CCDC178: variants seen among roughly 807,000 people sequenced by gnomAD.
The protein encoded by CCDC178 is coiled-coil domain-containing protein 178.
In CCDC178, 126 loss-of-function variants were observed where a neutral mutation model predicts 117.4. The ratio of observed to expected loss-of-function variants is 1.07; its 90% confidence interval spans 0.93 to 1.24. The LOEUF (loss-of-function observed/expected upper bound fraction) is 1.24, where lower values mean the gene tolerates loss of function less well. Ranked by LOEUF, CCDC178 falls within the 50% of genes most tolerant of loss-of-function variation. The pLI, the probability that CCDC178 is intolerant of heterozygous loss-of-function variation, is 0.00. For synonymous variants in CCDC178, 283 were observed against 313.4 expected, an observed-to-expected ratio of 0.90 and a Z score of 1.02; for missense variants, 1,030 against 986.9, an observed-to-expected ratio of 1.04 and a Z score of -0.59.
chr18:33,321,352 G>C (rs1026952467), intron 11 of CCDC178, among the ~76,000 whole-genome samples: 1 of 152,072 alleles, frequency 6.6e-6, no homozygotes, highest in Non-Finnish European at 1.5e-5. Context: ...CTGACAAAGG[G>C]CTAATATCCA....
chr18:33,100,959 A>T (rs994811450), intron 20 of CCDC178, among the ~76,000 whole-genome samples: 1 of 151,960 alleles, frequency 6.6e-6, no homozygotes, highest in African/African-American at 2.4e-5. Flanking sequence ...ATCCCCAATG[A>T]TGTTTTCTAA....
intron 18 of CCDC178, among the ~76,000 whole-genome samples, chr18:33,216,668 CCTTA>C (rs2059169638): frequency 6.6e-6 from 1 of 152,036 alleles, no homozygotes; most frequent in South Asian, 2.1e-4. Flanking sequence ...TACTATAAAA[CCTTA>C]CTGTTTGTCT....
intron 21 of CCDC178, among the ~76,000 whole-genome samples, chr18:33,013,870 C>G (rs2055925189): frequency 6.6e-6 from 1 of 152,176 alleles, no homozygotes; most frequent in African/African-American, 2.4e-5. Context: ...AAGATCATGA[C>G]TTATTTTAAA....
chr18:33,414,709 T>C (rs1425520489), intron 2 of CCDC178, among the ~76,000 whole-genome samples: 1 of 152,184 alleles, frequency 6.6e-6, no homozygotes, highest in Non-Finnish European at 1.5e-5. Context: ...TGGGATCTAA[T>C]TAAACTAAAG....
At chr18:33,278,448 T>C (rs1420969574) in intron 12 of CCDC178, among the ~76,000 whole-genome samples, 4 of 151,882 alleles carry the variant, frequency 2.6e-5, no homozygotes, top group Non-Finnish European at 4.4e-5. Context: ...AAGGAGCCTA[T>C]AGAGCCACCC....
intron 6 of CCDC178, 85 bp from the exon 7 acceptor site, chr18:33,356,431 C>T: frequency 2.4e-6 from 3 of 1,243,590 alleles, no homozygotes; most frequent in Non-Finnish European, 3.3e-6. Flanking sequence ...TGTCAATTCT[C>T]TACTTTACAT....
chr18:33,245,501 GAAT>G, intron 14 of CCDC178, 73 bp from the exon 15 acceptor site: 10 of 1,249,282 alleles, frequency 8.0e-6, no homozygotes, highest in Non-Finnish European at 1.0e-5. Flanking sequence ...TAGTAAAAAA[GAAT>G]AAGATCATAT....
Position 33,267,078 on chromosome 18 carries a change from T to G in CCDC178, c.1273-26A>C, listed in dbSNP as rs202226400. On this transcript the variant is annotated intron_variant, in intron 13 of 22. Coordinates refer to ENST00000383096, the MANE Select transcript of CCDC178 (RefSeq NM_001105528.4). ...CTTTAAGAAAAGAATAAAAGAATCA[T>G]TCATACATGTCTAATTATCAAAAGG... 2.3e-4 allele frequency: 353 copies of G among 1,565,474 alleles called. No individual in the cohort carries two copies. The African/African-American group carries it at 4.4e-3, about 19-fold the overall frequency.
At position 33,328,109 on chromosome 18, in the gene CCDC178, T is replaced by G. The variant is rs956606104; in HGVS notation, c.880-4476A>C. 58 of 312,036 alleles carry G rather than the reference T, an allele frequency of 1.9e-4. 1 individual carries two copies. The highest frequency in any genetic ancestry group is 2.5e-4 in the Non-Finnish European group (43 of 173,390). 19.3% of individuals were successfully genotyped at this position (312,036 alleles called of 1,614,324 possible). A position where few individuals can be genotyped will look rare whatever the true frequency, so the allele number is the denominator to read the frequency against. ...TTTTTTTTTTTTTTTTTTTTTTTTT[T>G]TTTTTTTTTTTGAGACAGAGTCTTG... On this transcript the variant is annotated intron_variant, in intron 10 of 22. Coordinates refer to ENST00000383096, the MANE Select transcript of CCDC178 (RefSeq NM_001105528.4).
At chr18:32,961,017 A>G (rs573151973) in intron 22 of CCDC178, among the ~76,000 whole-genome samples, 47 of 152,164 alleles carry the variant, frequency 3.1e-4, no homozygotes, top group African/African-American at 1.1e-3. Flanking sequence ...GATATGGTCT[A>G]TATTTGGAAA....
intron 20 of CCDC178, among the ~76,000 whole-genome samples, chr18:33,169,998 C>T (rs2058579390): frequency 6.6e-6 from 1 of 151,922 alleles, no homozygotes; most frequent in Non-Finnish European, 1.5e-5. Flanking sequence ...AAAACCAATA[C>T]CAGCCATGAA....
At chr18:33,397,717 T>C (rs556336875) in intron 3 of CCDC178, among the ~76,000 whole-genome samples, 2 of 152,118 alleles carry the variant, frequency 1.3e-5, no homozygotes, top group African/African-American at 4.8e-5. Flanking sequence ...AAAATCAAAG[T>C]GATTAAAGAG....
At chr18:33,297,190 A>G (rs2062116594) in intron 11 of CCDC178, among the ~76,000 whole-genome samples, 1 of 152,130 alleles carries the variant, frequency 6.6e-6, no homozygotes, top group Admixed American at 6.5e-5. Context: ...CATAAAAAGA[A>G]GTATTAAGAA....
intron 21 of CCDC178, among the ~76,000 whole-genome samples, chr18:33,082,649 C>A (rs2057315481): frequency 6.6e-6 from 1 of 152,064 alleles, no homozygotes; most frequent in Admixed American, 6.6e-5. Context: ...GGGTGCAGCA[C>A]ACCAATGTGG....
Position 33,113,205 on chromosome 18 carries a change from A to T in CCDC178, c.2239-20295T>A, listed in dbSNP as rs563369259. Among the ~76,000 whole-genome samples, 117 of 152,210 alleles carry T rather than the reference A, an allele frequency of 7.7e-4. 1 individual carries two copies. The highest frequency in any genetic ancestry group is 2.7e-3 in the African/African-American group (113 of 41,586). ...TTAGTTTTCTTGAATAGTAAAACTT[A>T]AAAATATTTATTTTACACTTTTGTG... is the stretch of plus-strand genomic sequence containing the variant. On this transcript the variant is annotated intron_variant, in intron 20 of 22. Transcript: ENST00000383096.
At chr18:33,327,247 C>T (rs1027621365) in intron 10 of CCDC178, among the ~76,000 whole-genome samples, 14 of 152,014 alleles carry the variant, frequency 9.2e-5, no homozygotes, top group African/African-American at 3.1e-4. Flanking sequence ...AATGCTTTGA[C>T]GTTATATTCA....
In CCDC178 at chr18:33,211,936, ACT is replaced by A. The variant is rs1336135363; in HGVS notation, c.2196_2197del (p.Arg732SerfsTer19). 3 of 1,608,310 alleles carry A rather than the reference ACT, an allele frequency of 1.9e-6. No homozygotes were observed. The African/African-American group carries it at 4.0e-5, about 22-fold the overall frequency. On this transcript the variant is annotated frameshift_variant, in exon 20 of 23. Coordinates refer to ENST00000383096, the MANE Select transcript of CCDC178 (RefSeq NM_001105528.4). LOFTEE classifies it high-confidence loss of function. Reference sequence around the variant, plus strand: ...AGTTTTTTGTCTTACAGCAAGGAGCACTCTAAATCTCTGATCTTCCTCAAAGA... The same window carrying A: ...AGTTTTTTGTCTTACAGCAAGGAGCACTAAATCTCTGATCTTCCTCAAAGA...
At chr18:33,389,944 G>A (rs1480364983) in intron 4 of CCDC178, among the ~76,000 whole-genome samples, 2 of 150,856 alleles carry the variant, frequency 1.3e-5, no homozygotes, top group African/African-American at 4.9e-5. Flanking sequence ...GCAGAGATTT[G>A]TGTGTAAGCT....
At chr18:33,248,422 T>A (rs8094881) in intron 14 of CCDC178, among the ~76,000 whole-genome samples, 1 of 141,210 alleles carries the variant, frequency 7.1e-6, no homozygotes, top group East Asian at 2.2e-4. Context: ...TCCCTCCCCC[T>A]TCCCTCACCC....
Sources: gnomAD v4.1 joint callset for allele counts (sites outside exome capture counted in the v4.1 genomes callset) on GRCh38, gnomAD v4.1.1 for gene constraint, MANE v1.5 for transcripts, NCBI Gene and HGNC (gene_info 2026-07-23, HGNC 2026-07-21) for gene names.